CIT: variants seen among roughly 807,000 people sequenced by gnomAD.
CIT encodes citron rho-interacting serine/threonine kinase, also known as citron Rho-interacting kinase.
A neutral mutation model predicts 272.7 loss-of-function variants in CIT; 79 were observed. The ratio of observed to expected loss-of-function variants is 0.29; its 90% CI spans 0.24 to 0.35. The LOEUF is 0.35. Among genes scored for constraint, CIT ranks in the 10% least tolerant of loss-of-function variants. The pLI, the probability that CIT is intolerant of heterozygous loss-of-function variation, is 1.00. For missense variants in CIT, 1,909 were observed against 2,618.3 expected (o/e 0.73, Z 5.91); for synonymous variants, 948 against 995.6 (o/e 0.95, Z 0.90).
At chr12:119,862,970 C>T (rs761338183) in intron 3 of CIT, among the ~76,000 whole-genome samples, 12 of 148,652 alleles carry the variant, frequency 8.1e-5, no homozygotes, top group Non-Finnish European at 1.2e-4. Flanking sequence ...GGGAAAAAGA[C>T]GAGGCCGGCG....
intron 26 of CIT, among the ~76,000 whole-genome samples, chr12:119,732,501 G>A (rs1474760608): frequency 6.6e-6 from 1 of 152,108 alleles, no homozygotes; most frequent in East Asian, 1.9e-4. Flanking sequence ...GGATTCAGAA[G>A]GAAGCTGGAA....
intron 10 of CIT, among the ~76,000 whole-genome samples, chr12:119,791,957 T>C (rs1965346101): frequency 6.6e-6 from 1 of 152,202 alleles, no homozygotes; most frequent in South Asian, 2.1e-4. Context: ...ACCTCAACAT[T>C]TCAGTGAAAA....
intron 10 of CIT, among the ~76,000 whole-genome samples, chr12:119,798,505 G>C (rs946127222): frequency 1.3e-5 from 2 of 152,164 alleles, no homozygotes; most frequent in East Asian, 1.9e-4. Context: ...TCTGTGTAAA[G>C]TGGTTGGAAC....
intron 4 of CIT, 75 bp downstream of exon 4, chr12:119,857,448 T>G (rs964984432): frequency 6.8e-7 from 1 of 1,469,710 alleles, no homozygotes; most frequent in Non-Finnish European, 9.4e-7. Context: ...TAGACGCCAG[T>G]GCAGCAGATT....
chr12:119,754,841 T>TC (rs1324016768), intron 22 of CIT, among the ~76,000 whole-genome samples: 4 of 152,158 alleles, frequency 2.6e-5, no homozygotes, highest in African/African-American at 9.7e-5. Context: ...AACAACAGCT[T>TC]CCCTGGGACA....
rs116724945 is a variant in CIT, at chr12:119,694,115, G to C, written c.5882+3544C>G. 6.6e-6 allele frequency among the ~76,000 whole-genome samples: 1 copy of C among 152,100 alleles called. No homozygotes were observed. Among genetic ancestry groups the C allele is most frequent in the East Asian group, 1.9e-4 (1 of 5,200 alleles). On this transcript the variant is annotated intron_variant, in intron 46 of 47. Coordinates refer to ENST00000392521, the MANE Select transcript of CIT (RefSeq NM_001206999.2). The surrounding 1 kb of genome is among the most constrained non-coding windows in gnomAD (Gnocchi z 4.5). Reference sequence around the variant, plus strand: ...CTAGCTCCTAGCACTGTGTCAAGACGAGGCCAGTCCCACTTCCACACGCAG... The same window carrying C: ...CTAGCTCCTAGCACTGTGTCAAGACCAGGCCAGTCCCACTTCCACACGCAG...
chr12:119,713,828 A>T lies in CIT; in HGVS notation c.4307-180T>A. 3.0e-6 allele frequency: 2 copies of T among 657,602 alleles called. No individual in the cohort carries two copies. Among genetic ancestry groups the T allele is most frequent in the Non-Finnish European group, 5.2e-6 (2 of 384,560 alleles). The allele number at this position is 657,602 out of a possible 1,614,324, so 40.7% of individuals were successfully genotyped here. A position where few individuals can be genotyped will look rare whatever the true frequency, so the allele number is the denominator to read the frequency against. ...AGGCCCCTGCAGAAAGGGAAAACAA[A>T]AGTGCCAAGTGCTCTTGACCCAGTT... On this transcript the variant is annotated intron_variant, in intron 33 of 47. Transcript: ENST00000392521. This position sits in a 1 kb window ranked among gnomAD's most constrained non-coding sequence, Gnocchi z 5.2.
intron 9 of CIT, among the ~76,000 whole-genome samples, chr12:119,819,389 G>A (rs1363260316): frequency 1.3e-5 from 2 of 152,136 alleles, no homozygotes; most frequent in Non-Finnish European, 2.9e-5. Context: ...TGACCTCAGT[G>A]TCAAAGCAAA....
At chr12:119,722,470 C>CT (rs1957852814) in intron 28 of CIT, among the ~76,000 whole-genome samples, 1 of 152,196 alleles carries the variant, frequency 6.6e-6, no homozygotes, top group African/African-American at 2.4e-5. Flanking sequence ...CTGGCCCTCT[C>CT]TGTCTCTTTG....
intron 3 of CIT, among the ~76,000 whole-genome samples, chr12:119,862,837 A>AAAAAAAAAG (rs1950392228): frequency 7.4e-6 from 1 of 135,986 alleles, no homozygotes; most frequent in East Asian, 2.1e-4. Context: ...AAAAAAAAAA[A>AAAAAAAAAG]AAAGAAAAAA....
intron 20 of CIT, among the ~76,000 whole-genome samples, chr12:119,759,058 T>A (rs890443867): frequency 6.6e-6 from 1 of 152,212 alleles, no homozygotes; most frequent in Non-Finnish European, 1.5e-5. Flanking sequence ...TTCGCATTTA[T>A]CACCACCTCC....
chr12:119,860,406 T>C (rs1422081683), intron 3 of CIT, among the ~76,000 whole-genome samples: 1 of 152,210 alleles, frequency 6.6e-6, no homozygotes, highest in Non-Finnish European at 1.5e-5. Flanking sequence ...CTGCACGGTA[T>C]TTTCCTTTTA....
chr12:119,785,921 T>C (rs1165977848), intron 10 of CIT, among the ~76,000 whole-genome samples: 3 of 152,172 alleles, frequency 2.0e-5, no homozygotes, highest in African/African-American at 7.2e-5. Flanking sequence ...AAATAATAAA[T>C]GTGTGTTGTT....
At chr12:119,778,641 C>T (rs191647917) in intron 13 of CIT, among the ~76,000 whole-genome samples, 199 of 151,774 alleles carry the variant, frequency 1.3e-3, no homozygotes, top group Admixed American at 3.1e-3. Context: ...TAGCAGGTGA[C>T]GCCCCCCCCC....
chr12:119,826,712 G>A (rs1250186314), intron 7 of CIT, among the ~76,000 whole-genome samples: 7 of 152,172 alleles, frequency 4.6e-5, no homozygotes, highest in African/African-American at 1.7e-4. Flanking sequence ...CTTCTCTCAG[G>A]TCAGCAGTTA....
At chr12:119,867,083 T>G (rs1240654835) in intron 3 of CIT, among the ~76,000 whole-genome samples, 1 of 152,066 alleles carries the variant, frequency 6.6e-6, no homozygotes. Context: ...TCTCACACAT[T>G]CCAGCCCAGG....
intron 5 of CIT, among the ~76,000 whole-genome samples, chr12:119,844,902 T>C (rs1969682067): frequency 6.6e-6 from 1 of 151,238 alleles, no homozygotes. Context: ...AGGCGGATCA[T>C]GAGGTCAGAA....
intron 25 of CIT, 31 bp from the exon 26 acceptor site, chr12:119,734,388 G>C (rs376764349): frequency 2.5e-6 from 4 of 1,602,180 alleles, no homozygotes; most frequent in Non-Finnish European, 3.4e-6. Flanking sequence ...TTTGTGCCTT[G>C]TCTTTAAACA....
In CIT at chr12:119,701,691, G is replaced by A; in HGVS notation, c.5475C>T (p.Ser1825=). 1 of 1,614,230 alleles carries A rather than the reference G, an allele frequency of 6.2e-7. No individual in the cohort carries two copies. Among genetic ancestry groups the A allele is most frequent in the Non-Finnish European group, 8.5e-7 (1 of 1,180,046 alleles). ...TCACCTGCACGATTGAGACAGGGAA[G>A]CTGTTGGAAGAGGCGGCAAACACAG... The part of the protein sequence containing the change: ...APAVFAASSN[S]FPVSIVQVNS... Residue 1825 remains serine, a synonymous_variant, in exon 43 of 48, where the codon AGC becomes AGT. Transcript: ENST00000392521.
Sources: allele counts gnomAD v4.1 joint callset (sites outside exome capture counted in the v4.1 genomes callset), GRCh38; gene constraint gnomAD v4.1.1; non-coding constraint Gnocchi (gnomAD v3.1); transcripts MANE v1.5; gene names NCBI Gene and HGNC (gene_info 2026-07-23, HGNC 2026-07-21).